Variants in CRB1 observed in about 807,000 individuals in gnomAD.
CRB1 encodes crumbs cell polarity complex component 1, also known as protein crumbs homolog 1.
Under a neutral mutation model 120.0 loss-of-function variants are expected in CRB1, and 83 were observed. That is an observed-to-expected ratio of 0.69 (90% confidence interval 0.58 to 0.83). CRB1 has a LOEUF of 0.83. CRB1 is among the 40% of genes least tolerant of loss of function. The pLI is 0.00. For missense variants in CRB1, 1,699 were observed against 1,687.6 expected (o/e 1.01, Z -0.12); for synonymous variants, 625 against 612.5 (o/e 1.02, Z -0.30).
chr1:197,389,011 C>G lies in CRB1; in HGVS notation c.1172-31989C>G, dbSNP rs548449790. The stretch of plus-strand genomic sequence containing the variant: ...AAATCAAAACCACAGTGAGATACCG[C>G]TTCATTCCCATTAGGATGGCTATTA... On this transcript the variant is annotated intron_variant, in intron 5 of 11. Transcript: ENST00000367400. Among the ~76,000 whole-genome samples, 60 of 152,216 alleles carry G rather than the reference C, an allele frequency of 3.9e-4. 1 individual carries two copies. The highest frequency in any genetic ancestry group is 1.4e-3 in the African/African-American group (59 of 41,544).
chr1:197,203,770 G>A, the CRB1 span, among the ~76,000 whole-genome samples: 1 of 152,166 alleles, frequency 6.6e-6, no homozygotes, highest in African/African-American at 2.4e-5. Context: ...AGAAAAAATG[G>A]TTTTAAATCC....
chr1:197,390,991 C>T (rs191231454), intron 5 of CRB1, among the ~76,000 whole-genome samples: 1 of 151,946 alleles, frequency 6.6e-6, no homozygotes, highest in Non-Finnish European at 1.5e-5. Context: ...TGCTGAAATA[C>T]TTTCTCAAGA....
chr1:197,393,895 C>A (rs913114124), intron 5 of CRB1, among the ~76,000 whole-genome samples: 7 of 152,072 alleles, frequency 4.6e-5, no homozygotes, highest in African/African-American at 1.7e-4. Flanking sequence ...AAAGGTGCTT[C>A]TGTTAAATTT....
At chr1:197,252,013 T>G in the CRB1 span, among the ~76,000 whole-genome samples, 2 of 152,018 alleles carry the variant, frequency 1.3e-5, no homozygotes, top group Non-Finnish European at 2.9e-5. Flanking sequence ...AGGACCTTTC[T>G]GACTATAACT....
intron 5 of CRB1, among the ~76,000 whole-genome samples, chr1:197,370,931 A>G (rs1661336980): frequency 1.3e-5 from 2 of 152,160 alleles, no homozygotes; most frequent in Admixed American, 1.3e-4. Context: ...TGTGACTGCC[A>G]TGCCACACAC....
At chr1:197,305,594 AT>A (rs1343119246) in intron 1 of CRB1, among the ~76,000 whole-genome samples, 3 of 151,854 alleles carry the variant, frequency 2.0e-5, no homozygotes, top group African/African-American at 4.8e-5. Context: ...ATAATCTGTG[AT>A]TTTTTTATGA....
intron 5 of CRB1, among the ~76,000 whole-genome samples, chr1:197,405,657 G>A (rs1206446537): frequency 8.1e-5 from 12 of 148,742 alleles, no homozygotes; most frequent in African/African-American, 2.2e-4. Flanking sequence ...GCCGCCCATC[G>A]TCTGAGATGT....
At chr1:197,384,735 AT>A (rs1662127458) in intron 5 of CRB1, among the ~76,000 whole-genome samples, 1 of 152,054 alleles carries the variant, frequency 6.6e-6, no homozygotes, top group Non-Finnish European at 1.5e-5. Context: ...TCCCCAAAGC[AT>A]TTCCCACTTA....
chr1:197,361,146 C>CT (rs1660746768), intron 5 of CRB1, among the ~76,000 whole-genome samples: 1 of 150,412 alleles, frequency 6.6e-6, no homozygotes, highest in Non-Finnish European at 1.5e-5. Context: ...TATTTTATGA[C>CT]TTTTTTGCTT....
In CRB1 at chr1:197,328,730, C is replaced by A; in HGVS notation, c.379C>A (p.Gln127Lys). The A allele has an allele frequency of 6.2e-7, 1 of 1,611,942 alleles. No individual in the cohort carries two copies. Among genetic ancestry groups the A allele is most frequent in the Non-Finnish European group, 8.5e-7 (1 of 1,178,462 alleles). ...CTGCCAACATGGAGGTATTTGCCAT[C>A]AGGACCCTATTTATCCTGTCTGCAT... ...NSCQHGGICH[Q>K]DPIYPVCICP... is the part of the protein sequence containing the mutation. The change falls in exon 2 of 12, where the codon CAG (glutamine) becomes AAG (lysine). Residue 127 changes from glutamine (Q) to lysine (K), a missense_variant. Physicochemically the swap from Gln to Lys is moderately conservative, Grantham distance 53. Coordinates refer to ENST00000367400, the MANE Select transcript of CRB1 (RefSeq NM_201253.3).
Position 197,427,493 on chromosome 1 carries a change from G to A in CRB1, c.2168G>A (p.Gly723Asp), listed in dbSNP as rs759961722. 6.2e-7 allele frequency: 1 copy of A among 1,613,796 alleles called. No homozygotes were observed. Reference protein sequence around the residue: ...AGRFGQDDSTGYVIFTLDESY... With the variant: ...AGRFGQDDSTDYVIFTLDESY... ...AGATTTGGCCAGGATGACTCCACTGGTTATGTCATCTTTACTCTTGATGAG... is the reference window on the plus strand; with the variant it reads ...AGATTTGGCCAGGATGACTCCACTGATTATGTCATCTTTACTCTTGATGAG... The change falls in exon 7 of 12, where the codon GGT becomes GAT. Residue 723 changes from glycine to aspartate, a missense_variant. Transcript: ENST00000367400.
chr1:197,438,602 T>C lies in CRB1; in HGVS notation c.3805T>C (p.Tyr1269His), dbSNP rs769470567. The C allele has an allele frequency of 1.2e-6, 2 of 1,613,040 alleles. No homozygotes were observed. Among genetic ancestry groups the C allele is most frequent in the South Asian group, 2.2e-5 (2 of 91,070 alleles). Residue 1269 changes from tyrosine to histidine, a missense_variant, in exon 10 of 12, where the codon TAC becomes CAC. Transcript: ENST00000367400. ...GAATGAGAAGACAAATCTCACTTGCTACAATGGAGGCAACTGCACAGAGTT... is the reference window on the plus strand; with the variant it reads ...GAATGAGAAGACAAATCTCACTTGCCACAATGGAGGCAACTGCACAGAGTT... ...CGNEKTNLTC[Y>H]NGGNCTEFQT...
rs137853138 is a variant in CRB1 at position 197,328,835 on chromosome 1, G to A, written c.484G>A (p.Val162Met). 1.6e-3 allele frequency: 2,599 copies of A among 1,614,068 alleles called. 6 individuals carry two copies. Among genetic ancestry groups the A allele is most frequent in the Admixed American group, 1.9e-3 (116 of 59,994 alleles). Residue 162 changes from valine to methionine, a missense_variant, in exon 2 of 12, where the codon GTG (valine) becomes ATG (methionine). Val to Met is a conservative substitution (Grantham distance 21, BLOSUM62 1). Coordinates refer to ENST00000367400, the MANE Select transcript of CRB1 (RefSeq NM_201253.3). ...CASSPCQNGA[V>M]CQDGIDGYSC... The stretch of plus-strand genomic sequence containing the variant: ...TTCCAGCCCTTGCCAAAATGGGGCC[G>A]TGTGCCAGGATGGAATTGATGGTTA...
At chr1:197,315,465 G>A (rs561243676) in intron 1 of CRB1, among the ~76,000 whole-genome samples, 1 of 152,326 alleles carries the variant, frequency 6.6e-6, no homozygotes, top group East Asian at 1.9e-4. Flanking sequence ...CCAAAGCTGT[G>A]CCTGCATAAA....
chr1:197,250,157 C>T, the CRB1 span, among the ~76,000 whole-genome samples: 1 of 151,884 alleles, frequency 6.6e-6, no homozygotes, highest in Admixed American at 6.6e-5. Context: ...CACCTGTATT[C>T]TATTCTACAG....
intron 1 of CRB1, among the ~76,000 whole-genome samples, chr1:197,293,027 C>T (rs1323152354): frequency 6.6e-6 from 1 of 152,128 alleles, no homozygotes; most frequent in Admixed American, 6.6e-5. Context: ...TCTCTCACCA[C>T]TCCTTTTCAA....
chr1:197,443,029 C>A (rs539844695), intron 11 of CRB1: 1 of 151,262 alleles, frequency 6.6e-6, no homozygotes, highest in East Asian at 2.0e-4. Flanking sequence ...GAGGGTGAAG[C>A]AGGAGACTTG....
Position 197,421,259 on chromosome 1 carries a change from G to A in CRB1, c.1431G>A (p.Gly477=), listed in dbSNP as rs761872993. 1.2e-5 allele frequency: 19 copies of A among 1,614,044 alleles called. No homozygotes were observed. The highest frequency in any genetic ancestry group is 1.1e-5 in the Non-Finnish European group (13 of 1,180,024). Residue 477 remains glycine, a synonymous_variant, in exon 6 of 12, where the codon GGG becomes GGA. Transcript: ENST00000367400. ...FSCLCPSGYT[G]SLCEIATTLS... ...GCCTATGTCCATCTGGCTACACCGG[G>A]TCCCTGTGTGAAATCGCAACCACAC...
intron 1 of CRB1, among the ~76,000 whole-genome samples, chr1:197,312,773 C>T (rs1238835253): frequency 2.0e-5 from 3 of 152,084 alleles, no homozygotes; most frequent in Non-Finnish European, 2.9e-5. Context: ...AATATATCAA[C>T]TGCATTAATC....
Sources: allele counts gnomAD v4.1 joint callset (sites outside exome capture counted in the v4.1 genomes callset), GRCh38; gene constraint gnomAD v4.1.1; transcripts MANE v1.5; gene names NCBI Gene and HGNC (gene_info 2026-07-23, HGNC 2026-07-21).